Variants in NR5A2 observed in about 807,000 individuals in gnomAD.
The protein encoded by NR5A2 is nuclear receptor subfamily 5 group A member 2, also known as CYP7A promoter-binding factor.
A neutral mutation model predicts 62.7 loss-of-function variants in NR5A2; 26 were observed. The ratio of observed to expected loss-of-function variants is 0.41; its 90% CI spans 0.30 to 0.58. NR5A2 has a LOEUF of 0.58. Ranked by LOEUF, NR5A2 falls within the 20% of genes least tolerant of loss-of-function variation. NR5A2 has a pLI of 0.22. For missense variants in NR5A2, 541 were observed against 669.1 expected (o/e 0.81, Z 2.11); for synonymous variants, 246 against 241.7 (o/e 1.02, Z -0.16).
chr1:200,140,168 C>T (rs1026442038), intron 7 of NR5A2, among the ~76,000 whole-genome samples: 1 of 152,032 alleles, frequency 6.6e-6, no homozygotes. Context: ...TTCTTTATAT[C>T]ATTATTGATA....
chr1:200,035,729 G>C (rs558236048), intron 1 of NR5A2, among the ~76,000 whole-genome samples: 2 of 152,054 alleles, frequency 1.3e-5, no homozygotes, highest in Non-Finnish European at 2.9e-5. Context: ...ATCATCCTTC[G>C]TAATTGCAAC....
rs552436184 is a variant in NR5A2, at chr1:200,175,876, T to G, written c.*1666T>G. ...AAAAGTATCTCCTAGTCCCTTAATT[T>G]TTTCATAAATATTTCTGGCTTTTGA... is the stretch of plus-strand genomic sequence containing the variant. On this transcript the variant is annotated 3_prime_UTR_variant, in exon 8 of 8. Coordinates refer to ENST00000367362, the MANE Select transcript of NR5A2 (RefSeq NM_205860.3). The G allele has an allele frequency of 6.5e-6, 1 of 152,746 alleles. No individual in the cohort carries two copies. Among genetic ancestry groups the G allele is most frequent in the East Asian group, 1.9e-4 (1 of 5,194 alleles). 9.5% of individuals were successfully genotyped at this position (152,746 alleles called of 1,614,324 possible). A position where few individuals can be genotyped will look rare whatever the true frequency, so the allele number is the denominator to read the frequency against.
chr1:200,136,022 A>T (rs1667206679), intron 7 of NR5A2, among the ~76,000 whole-genome samples: 1 of 152,196 alleles, frequency 6.6e-6, no homozygotes, highest in African/African-American at 2.4e-5. Flanking sequence ...ATGTTTTGGA[A>T]TATGTCAGAG....
rs1472496422 is a variant in NR5A2, at chr1:200,061,116, G to A, written c.1110+12298G>A. 2.9e-4 allele frequency among the ~76,000 whole-genome samples: 24 copies of A among 83,450 alleles called. 1 individual carries two copies. The South Asian group carries it at 4.6e-3, about 16-fold the overall frequency. The allele number at this position is 83,450 out of a possible 152,430, so 54.7% of individuals were successfully genotyped here. A position where few individuals can be genotyped will look rare whatever the true frequency, so the allele number is the denominator to read the frequency against. On this transcript the variant is annotated intron_variant, in intron 5 of 7. Coordinates refer to ENST00000367362, the MANE Select transcript of NR5A2 (RefSeq NM_205860.3). ...AGCCTGGCCAACAGAGCAAAACTCC[G>A]TCTCAAAAAAAAAAAAAAAAAAAAA...
chr1:200,112,826 A>T (rs983806671), intron 6 of NR5A2, among the ~76,000 whole-genome samples: 1 of 152,116 alleles, frequency 6.6e-6, no homozygotes, highest in African/African-American at 2.4e-5. Context: ...TCCCACCTTC[A>T]CCGAACTAGG....
At chr1:200,037,640 T>A (rs1031757278) in intron 1 of NR5A2, among the ~76,000 whole-genome samples, 1 of 152,234 alleles carries the variant, frequency 6.6e-6, no homozygotes, top group Non-Finnish European at 1.5e-5. Flanking sequence ...CAGTGATACT[T>A]GATACTATCA....
chr1:200,098,102 C>T (rs1427806533), intron 5 of NR5A2, among the ~76,000 whole-genome samples: 1 of 152,118 alleles, frequency 6.6e-6, no homozygotes, highest in Non-Finnish European at 1.5e-5. Flanking sequence ...TTTAAGCTAT[C>T]TAGTGGGAGT....
intron 7 of NR5A2, among the ~76,000 whole-genome samples, chr1:200,168,091 C>T (rs1380091012): frequency 1.3e-5 from 2 of 151,394 alleles, no homozygotes; most frequent in Non-Finnish European, 2.9e-5. Context: ...TGTGTATACA[C>T]GAAGGTATGA....
At chr1:200,129,695 C>T (rs926717449) in intron 7 of NR5A2, among the ~76,000 whole-genome samples, 4 of 152,164 alleles carry the variant, frequency 2.6e-5, no homozygotes, top group Non-Finnish European at 4.4e-5. Flanking sequence ...ATTAGCTAAT[C>T]GGAGTCCTGA....
intron 5 of NR5A2, among the ~76,000 whole-genome samples, chr1:200,096,724 T>A (rs1227823926): frequency 6.6e-6 from 1 of 152,218 alleles, no homozygotes; most frequent in Non-Finnish European, 1.5e-5. Context: ...AATGATGGAC[T>A]GCATATATGA....
chr1:200,110,218 G>A (rs1002148783), intron 5 of NR5A2, among the ~76,000 whole-genome samples: 1 of 152,162 alleles, frequency 6.6e-6, no homozygotes, highest in Non-Finnish European at 1.5e-5. Flanking sequence ...CATATAAATG[G>A]CAGTTGCTTT....
intron 7 of NR5A2, among the ~76,000 whole-genome samples, chr1:200,173,365 T>C (rs1438118452): frequency 6.6e-6 from 1 of 152,234 alleles, no homozygotes; most frequent in Non-Finnish European, 1.5e-5. Context: ...CACCAAGATA[T>C]ATATTTTAGA....
Position 200,175,816 on chromosome 1 carries a change from G to A in NR5A2, c.*1606G>A, listed in dbSNP as rs993865365. The A allele has an allele frequency of 1.3e-5, 2 of 152,358 alleles. No homozygotes were observed. The highest frequency in any genetic ancestry group is 3.8e-4 in the East Asian group (2 of 5,202). 9.4% of individuals were successfully genotyped at this position (152,358 alleles called of 1,614,324 possible). ...AGACTTTAATTTTTTTGAGATTATC[G>A]GCGGCACAATCACTTTGTAGAAACT... On this transcript the variant is annotated 3_prime_UTR_variant, in exon 8 of 8. Coordinates refer to ENST00000367362, the MANE Select transcript of NR5A2 (RefSeq NM_205860.3).
intron 5 of NR5A2, among the ~76,000 whole-genome samples, chr1:200,060,928 C>A (rs1169664080): frequency 4.2e-5 from 6 of 144,288 alleles, no homozygotes; most frequent in Admixed American, 2.1e-4. Flanking sequence ...ATGGTGAAAC[C>A]CCATCTCTAC....
At chr1:200,084,428 A>G (rs1664435366) in intron 5 of NR5A2, among the ~76,000 whole-genome samples, 1 of 152,218 alleles carries the variant, frequency 6.6e-6, no homozygotes, top group Non-Finnish European at 1.5e-5. Flanking sequence ...AAAAAGAACA[A>G]TAATGATTTA....
At chr1:200,061,993 A>G (rs1033276765) in intron 5 of NR5A2, among the ~76,000 whole-genome samples, 3 of 152,200 alleles carry the variant, frequency 2.0e-5, no homozygotes, top group African/African-American at 7.2e-5. Context: ...CTCAAGACAT[A>G]AAGGACGGAT....
chr1:200,122,294 A>G (rs1666514610), intron 7 of NR5A2, among the ~76,000 whole-genome samples: 1 of 152,162 alleles, frequency 6.6e-6, no homozygotes, highest in African/African-American at 2.4e-5. Context: ...TAATCGCACA[A>G]ATTATTCTGG....
intron 2 of NR5A2, 59 bp from the exon 3 acceptor site, chr1:200,043,715 G>T: frequency 9.0e-7 from 1 of 1,107,176 alleles, no homozygotes; most frequent in South Asian, 1.4e-5. Flanking sequence ...TTTGTTGCAG[G>T]ATTAACACCT....
chr1:200,144,221 T>TCACACA (rs755056555), intron 7 of NR5A2, among the ~76,000 whole-genome samples: 40 of 39,030 alleles, frequency 1.0e-3, no homozygotes, highest in Non-Finnish European at 6.6e-4. Flanking sequence ...TGTTTCTCTC[T>TCACACA]CTCTCTCTCT....
Sources: allele counts gnomAD v4.1 joint callset (sites outside exome capture counted in the v4.1 genomes callset), GRCh38; gene constraint gnomAD v4.1.1; transcripts MANE v1.5; gene names NCBI Gene and HGNC (gene_info 2026-07-23, HGNC 2026-07-21).